The following SLC44A5 variants were observed in gnomAD, a reference collection of about 807,000 sequenced individuals.
SLC44A5 encodes choline transporter-like protein 5.
A neutral mutation model predicts 101.8 loss-of-function variants in SLC44A5; 57 were observed. That is an observed-to-expected ratio of 0.56 (90% CI 0.45 to 0.70). The LOEUF (loss-of-function observed/expected upper bound fraction) is 0.70. Among genes scored for constraint, SLC44A5 ranks in the 30% least tolerant of loss-of-function variants. The probability of loss-of-function intolerance (pLI) is 0.00; values close to 1 mark genes in which losing one functional copy is unlikely to be tolerated. For synonymous variants in SLC44A5, 281 were observed against 290.9 expected (o/e 0.97, Z 0.35); for missense variants, 737 against 853.1 (o/e 0.86, Z 1.70).
At chr1:75,601,016 A>C (rs948085812) in intron 1 of SLC44A5, among the ~76,000 whole-genome samples, 34 of 152,194 alleles carry the variant, frequency 2.2e-4, no homozygotes, top group Non-Finnish European at 4.1e-4. Flanking sequence ...ACTTATGATG[A>C]CATAACCTTG....
chr1:75,709,923 G>A, the SLC44A5 span: 50 of 152,034 alleles, frequency 3.3e-4, no homozygotes, highest in African/African-American at 1.0e-3. Context: ...AATGCTACTC[G>A]CAGAAAAGGA....
Position 75,431,607 on chromosome 1 carries a change from C to T in SLC44A5, c.14-34986G>A, listed in dbSNP as rs374443678. ...TCTTCAGCATTTAATAGTCTAGTGG[C>T]GAGGAGGAGTGGGTTTTTGTTTTTT... On this transcript the variant is annotated intron_variant, in intron 2 of 23. Coordinates refer to ENST00000370859, the MANE Select transcript of SLC44A5 (RefSeq NM_001130058.2). Among the ~76,000 whole-genome samples the T allele has an allele frequency of 2.6e-4, 40 of 152,212 alleles. No homozygotes were observed. The South Asian group carries it at 8.1e-3, about 31-fold the overall frequency.
intron 5 of SLC44A5, among the ~76,000 whole-genome samples, chr1:75,291,436 G>T (rs1355246505): frequency 6.6e-6 from 1 of 152,124 alleles, no homozygotes; most frequent in Non-Finnish European, 1.5e-5. Context: ...TCTGTTGGGA[G>T]AAATAGATTT....
At chr1:75,393,244 A>G (rs1237420907) in intron 3 of SLC44A5, among the ~76,000 whole-genome samples, 1 of 152,202 alleles carries the variant, frequency 6.6e-6, no homozygotes, top group Non-Finnish European at 1.5e-5. Flanking sequence ...ATCTTTGCCT[A>G]AAAAAGCTGG....
At chr1:75,342,079 A>G (rs1657925640) in intron 3 of SLC44A5, among the ~76,000 whole-genome samples, 2 of 152,166 alleles carry the variant, frequency 1.3e-5, no homozygotes, top group Admixed American at 1.3e-4. Flanking sequence ...CCTAATGGAG[A>G]AAATGAGGAG....
At chr1:75,220,948 A>G (rs1475782596) in intron 14 of SLC44A5, among the ~76,000 whole-genome samples, 1 of 152,186 alleles carries the variant, frequency 6.6e-6, no homozygotes, top group East Asian at 1.9e-4. Flanking sequence ...CCCCCTGAGC[A>G]AACTACCAAC....
At chr1:75,365,385 T>A (rs1275366260) in intron 3 of SLC44A5, among the ~76,000 whole-genome samples, 1 of 152,172 alleles carries the variant, frequency 6.6e-6, no homozygotes, top group Non-Finnish European at 1.5e-5. Flanking sequence ...AGTGTTCTTA[T>A]CATTTAGCTC....
intron 1 of SLC44A5, among the ~76,000 whole-genome samples, chr1:75,601,482 T>A (rs1051504082): frequency 7.9e-5 from 12 of 152,026 alleles, no homozygotes; most frequent in Non-Finnish European, 1.6e-4. Context: ...TGTACACCTA[T>A]GCAACAAACC....
intron 1 of SLC44A5, among the ~76,000 whole-genome samples, chr1:75,547,600 T>C (rs1281123590): frequency 2.0e-5 from 3 of 152,170 alleles, no homozygotes; most frequent in Non-Finnish European, 4.4e-5. Flanking sequence ...ACATTTTGCT[T>C]TTTGAGTCTT....
At chr1:75,505,560 A>G (rs1213176329) in intron 2 of SLC44A5, among the ~76,000 whole-genome samples, 2 of 152,096 alleles carry the variant, frequency 1.3e-5, no homozygotes, top group Non-Finnish European at 2.9e-5. Flanking sequence ...CTAGTGTGAG[A>G]TGGTATTTCA....
At chr1:75,373,621 A>G (rs1660372532) in intron 3 of SLC44A5, among the ~76,000 whole-genome samples, 1 of 152,130 alleles carries the variant, frequency 6.6e-6, no homozygotes, top group Non-Finnish European at 1.5e-5. Flanking sequence ...TTCGGCCAGG[A>G]GAGAGCAAGG....
intron 1 of SLC44A5, among the ~76,000 whole-genome samples, chr1:75,597,943 G>A (rs1283133214): frequency 6.6e-6 from 1 of 152,124 alleles, no homozygotes; most frequent in Non-Finnish European, 1.5e-5. Context: ...TGACAAATGG[G>A]ATCTGATTAA....
At chr1:75,304,827 C>T (rs1654781488) in intron 4 of SLC44A5, among the ~76,000 whole-genome samples, 1 of 152,096 alleles carries the variant, frequency 6.6e-6, no homozygotes, top group Admixed American at 6.6e-5. Context: ...AAATGGGTTG[C>T]TTCCCACTGG....
chr1:75,590,842 A>G (rs1374055436), intron 1 of SLC44A5, among the ~76,000 whole-genome samples: 1 of 152,200 alleles, frequency 6.6e-6, no homozygotes, highest in African/African-American at 2.4e-5. Flanking sequence ...TGACTCCCAG[A>G]TAGCACTTCT....
the SLC44A5 span, among the ~76,000 whole-genome samples, chr1:75,698,188 C>T: frequency 6.6e-6 from 1 of 152,194 alleles, no homozygotes; most frequent in South Asian, 2.1e-4. Flanking sequence ...GTAGGTTCCA[C>T]CTCTGGGGGC....
chr1:75,609,654 AGC>A (rs890226011), intron 1 of SLC44A5, among the ~76,000 whole-genome samples: 29 of 152,194 alleles, frequency 1.9e-4, no homozygotes, highest in African/African-American at 7.0e-4. Flanking sequence ...CAGAGGAGAA[AGC>A]AAGCTGCTAC....
chr1:75,701,783 T>C, the SLC44A5 span, among the ~76,000 whole-genome samples: 1 of 152,214 alleles, frequency 6.6e-6, no homozygotes, highest in African/African-American at 2.4e-5. Flanking sequence ...AAAATCTCCT[T>C]AAGCTAATAA....
intron 3 of SLC44A5, among the ~76,000 whole-genome samples, chr1:75,390,256 T>C (rs1661695434): frequency 6.6e-6 from 1 of 151,988 alleles, no homozygotes; most frequent in Non-Finnish European, 1.5e-5. Flanking sequence ...CCAATCTTAC[T>C]GAAACTATTC....
chr1:75,374,623 G>C (rs563214670), intron 3 of SLC44A5, among the ~76,000 whole-genome samples: 15 of 152,292 alleles, frequency 9.8e-5, no homozygotes, highest in Middle Eastern at 3.4e-3. Context: ...ATGTGGCTAA[G>C]AGCCTATCTG....
Sources: gnomAD v4.1 joint callset for allele counts (sites outside exome capture counted in the v4.1 genomes callset) on GRCh38, gnomAD v4.1.1 for gene constraint, MANE v1.5 for transcripts, NCBI Gene and HGNC (gene_info 2026-07-23, HGNC 2026-07-21) for gene names.